Variants in CSNK1G1 observed in about 807,000 individuals in gnomAD.
The protein encoded by CSNK1G1 is casein kinase I isoform gamma-1.
In CSNK1G1, 22 loss-of-function variants were observed where a neutral mutation model predicts 59.6. That is an observed-to-expected ratio of 0.37 (90% CI 0.26 to 0.53). The LOEUF (loss-of-function observed/expected upper bound fraction) is 0.53, where lower values mean the gene tolerates loss of function less well. Among genes scored for constraint, CSNK1G1 ranks in the 20% least tolerant of loss-of-function variants. The pLI is 0.89. For synonymous variants in CSNK1G1, 179 were observed against 177.1 expected, an observed-to-expected ratio of 1.01 and a Z score of -0.08; for missense variants, 384 against 519.5, an observed-to-expected ratio of 0.74 and a Z score of 2.54.
At chr15:64,183,892 C>T (rs886868367) in intron 10 of CSNK1G1, among the ~76,000 whole-genome samples, 11 of 151,982 alleles carry the variant, frequency 7.2e-5, no homozygotes, top group African/African-American at 2.4e-4. Flanking sequence ...TGCACCACCA[C>T]ATCTGGCTAA....
chr15:64,277,579 T>C (rs971611364), intron 2 of CSNK1G1, among the ~76,000 whole-genome samples: 1 of 137,218 alleles, frequency 7.3e-6, no homozygotes, highest in Non-Finnish European at 1.6e-5. Flanking sequence ...ATAATAAATA[T>C]ATTAATATTA....
chr15:64,200,361 TTGCCCAGGCTGGAGTGCAGTGG>T lies in CSNK1G1; in HGVS notation c.1107+2699_1107+2720del, dbSNP rs978138272. On this transcript the variant is annotated intron_variant, in intron 10 of 11. Coordinates refer to ENST00000303052, the MANE Select transcript of CSNK1G1 (RefSeq NM_022048.5). The surrounding 1 kb of genome is among the most constrained non-coding windows in gnomAD (Gnocchi z 4.3). ...TTTTTGAGATGGAGTTTCTCTCTTG[TTGCCCAGGCTGGAGTGCAGTGG>T]TGCCCAGGCTGGGGTGTAATGGTAC... 2.0e-5 allele frequency among the ~76,000 whole-genome samples: 3 copies of T among 152,332 alleles called. No homozygotes were observed. The highest frequency in any genetic ancestry group is 1.9e-4 in the East Asian group (1 of 5,188).
At chr15:64,310,650 G>A (rs572587195) in intron 1 of CSNK1G1, among the ~76,000 whole-genome samples, 1 of 152,086 alleles carries the variant, frequency 6.6e-6, no homozygotes, top group East Asian at 1.9e-4. Context: ...CTAGGAGTTC[G>A]AGGTTGCAGT....
intron 4 of CSNK1G1, among the ~76,000 whole-genome samples, chr15:64,220,654 G>A (rs1407324421): frequency 6.6e-6 from 1 of 151,800 alleles, no homozygotes; most frequent in Non-Finnish European, 1.5e-5. Context: ...AGCTAATTTT[G>A]TTTTTAGTTT....
chr15:64,259,029 C>T (rs923152386), intron 3 of CSNK1G1, 172 bp downstream of exon 3: 1 of 568,118 alleles, frequency 1.8e-6, no homozygotes, highest in African/African-American at 1.9e-5. Flanking sequence ...ATATAGTATA[C>T]AGTGATTCAT....
chr15:64,176,326 G>A lies in CSNK1G1; in HGVS notation c.1214+4022C>T. The A allele has an allele frequency of 2.6e-6, 1 of 391,270 alleles. No individual in the cohort carries two copies. The highest frequency in any genetic ancestry group is 4.5e-6 in the Non-Finnish European group (1 of 222,352). 24.2% of individuals were successfully genotyped at this position (391,270 alleles called of 1,614,324 possible). ...AGAGAAAAACACAGAAAGGAAGAGA[G>A]AGAAAGAGAGAGATATTAGTCCACA... On this transcript the variant is annotated intron_variant, in intron 11 of 11. Transcript: ENST00000303052. The surrounding 1 kb of genome is among the most constrained non-coding windows in gnomAD (Gnocchi z 5.2).
chr15:64,202,385 G>T (rs566125013), intron 10 of CSNK1G1, among the ~76,000 whole-genome samples: 3 of 152,046 alleles, frequency 2.0e-5, no homozygotes, highest in Non-Finnish European at 4.4e-5. Flanking sequence ...CTGTGCGACA[G>T]GTCTTTTTTT....
intron 1 of CSNK1G1, among the ~76,000 whole-genome samples, chr15:64,318,165 C>CAT (rs142637857): frequency 0.016 from 2,397 of 150,824 alleles, 60 homozygotes; most frequent in African/African-American, 0.048. Context: ...AAAAATTAAT[C>CAT]ATATATATAT....
At chr15:64,178,480 T>C (rs1296190710) in intron 11 of CSNK1G1, among the ~76,000 whole-genome samples, 40 of 144,404 alleles carry the variant, frequency 2.8e-4, no homozygotes, top group African/African-American at 9.1e-4. Context: ...AGCAAAAATT[T>C]TCTTTTTTTT....
chr15:64,285,887 T>C (rs1163838833), intron 2 of CSNK1G1, among the ~76,000 whole-genome samples: 3 of 151,804 alleles, frequency 2.0e-5, no homozygotes, highest in Non-Finnish European at 4.4e-5. Context: ...TGACTTGTAA[T>C]TCCTCCTTTT....
At chr15:64,348,474 C>T (rs1036534330) in intron 1 of CSNK1G1, 2 of 150,274 alleles carry the variant, frequency 1.3e-5, no homozygotes, top group East Asian at 1.9e-4. Context: ...TAAAAGTATT[C>T]AAAAAAAAAT....
At chr15:64,316,435 C>T (rs1043491779) in intron 1 of CSNK1G1, among the ~76,000 whole-genome samples, 1 of 146,422 alleles carries the variant, frequency 6.8e-6, no homozygotes, top group Non-Finnish European at 1.5e-5. Flanking sequence ...ACTTGGGAGG[C>T]TAAGGCAGGA....
At chr15:64,187,036 T>G (rs1217821720) in intron 10 of CSNK1G1, among the ~76,000 whole-genome samples, 1 of 152,122 alleles carries the variant, frequency 6.6e-6, no homozygotes, top group African/African-American at 2.4e-5. Flanking sequence ...TTGGCCAGGA[T>G]GGTCTCAATC....
At chr15:64,228,189 C>T (rs544147137) in intron 4 of CSNK1G1, among the ~76,000 whole-genome samples, 1 of 152,280 alleles carries the variant, frequency 6.6e-6, no homozygotes, top group Admixed American at 6.5e-5. Flanking sequence ...GGTTCTCAAG[C>T]CTTGTCAATT....
chr15:64,237,723 CTA>C (rs2082634709), intron 4 of CSNK1G1, among the ~76,000 whole-genome samples: 1 of 152,164 alleles, frequency 6.6e-6, no homozygotes, highest in South Asian at 2.1e-4. Context: ...TTCTTCAGAT[CTA>C]TAGTTAATTG....
In CSNK1G1 at chr15:64,206,537, G is replaced by A. The variant is rs546140951; in HGVS notation, c.765+972C>T. Among the ~76,000 whole-genome samples, 7 of 149,558 alleles carry A rather than the reference G, an allele frequency of 4.7e-5. No individual in the cohort carries two copies. The East Asian group carries it at 7.9e-4, about 17-fold the overall frequency. ...TAGGAGAACCGCTGGAACCTGGGAG[G>A]TGGAGGTTGCAGCGAGCCCAGCCTG... On this transcript the variant is annotated intron_variant, in intron 7 of 11. Coordinates refer to ENST00000303052, the MANE Select transcript of CSNK1G1 (RefSeq NM_022048.5).
At chr15:64,260,653 G>A (rs981882473) in intron 2 of CSNK1G1, among the ~76,000 whole-genome samples, 4 of 152,038 alleles carry the variant, frequency 2.6e-5, no homozygotes, top group East Asian at 3.9e-4. Flanking sequence ...TGGGAAAATC[G>A]CTTGAACCCA....
chr15:64,312,623 T>TA (rs1208613592), intron 1 of CSNK1G1, among the ~76,000 whole-genome samples: 10 of 152,122 alleles, frequency 6.6e-5, no homozygotes, highest in African/African-American at 2.2e-4. Context: ...ATTAAAGACT[T>TA]AAATGTAAGA....
chr15:64,323,635 G>GATTACTTTGT (rs1896685561), intron 1 of CSNK1G1, among the ~76,000 whole-genome samples: 2 of 152,126 alleles, frequency 1.3e-5, no homozygotes, highest in Admixed American at 1.3e-4. Flanking sequence ...AAAGTGCTGG[G>GATTACTTTGT]ATTACAGGTA....
Sources: allele counts gnomAD v4.1 joint callset (sites outside exome capture counted in the v4.1 genomes callset), GRCh38; gene constraint gnomAD v4.1.1; non-coding constraint Gnocchi (gnomAD v3.1); transcripts MANE v1.5; gene names NCBI Gene and HGNC (gene_info 2026-07-23, HGNC 2026-07-21).